NTRK1: variants seen among roughly 807,000 people sequenced by gnomAD.
The protein encoded by NTRK1 is high affinity nerve growth factor receptor.
A neutral mutation model predicts 86.8 loss-of-function variants in NTRK1; 62 were observed. The observed-to-expected ratio is 0.71, with a 90% CI of 0.58 to 0.88. NTRK1 has a LOEUF of 0.88. Ranked by LOEUF, NTRK1 falls within the 40% of genes least tolerant of loss-of-function variation. NTRK1 has a pLI of 0.00. For synonymous variants in NTRK1, 469 were observed against 456.6 expected, an observed-to-expected ratio of 1.03 and a Z score of -0.35; for missense variants, 967 against 1,078.4, an observed-to-expected ratio of 0.90 and a Z score of 1.45.
At chr1:156,845,478 G>A in intron 2 of NTRK1, 1 of 1,513,510 alleles carries the variant, frequency 6.6e-7, no homozygotes, top group South Asian at 1.3e-5. Context: ...TCTGCAGCGC[G>A]TACCGCCTCC....
chr1:156,842,692 T>C (rs140002930), intron 2 of NTRK1, among the ~76,000 whole-genome samples: 68 of 152,312 alleles, frequency 4.5e-4, no homozygotes, highest in African/African-American at 1.6e-3. Flanking sequence ...TCATCATATC[T>C]GATGATCATC....
In NTRK1 at chr1:156,822,971, T is replaced by C. The variant is rs572640560; in HGVS notation, c.-64+7133T>C. Among the ~76,000 whole-genome samples, 230 of 152,348 alleles carry C rather than the reference T, an allele frequency of 1.5e-3. 2 individuals are homozygous for C. Among genetic ancestry groups the C allele is most frequent in the Admixed American group, 5.1e-3 (78 of 15,310 alleles). On this transcript the variant is annotated intron_variant, in intron 1 of 16. Transcript: ENST00000392302. The stretch of plus-strand genomic sequence containing the variant: ...CCATAATTGATGATCCCAGCCAGTA[T>C]AGGAACTTCCTTCCTTTGCCTGTTG...
upstream of NTRK1, chr1:156,858,651 G>C (rs749832322): frequency 6.3e-7 from 1 of 1,591,370 alleles, no homozygotes; most frequent in Non-Finnish European, 8.6e-7. Flanking sequence ...GTCCAGTCCC[G>C]GCTCTCCTCC....
chr1:156,861,999 G>A (rs901841174), intron 1 of NTRK1, among the ~76,000 whole-genome samples: 1 of 152,208 alleles, frequency 6.6e-6, no homozygotes, highest in Non-Finnish European at 1.5e-5. Context: ...ATATGGTGAT[G>A]GCTGGAAAAT....
chr1:156,820,687 C>A (rs1353988447), intron 1 of NTRK1, among the ~76,000 whole-genome samples: 1 of 152,158 alleles, frequency 6.6e-6, no homozygotes, highest in Non-Finnish European at 1.5e-5. Flanking sequence ...ATAACTATAG[C>A]CTTGTAGTTT....
At position 156,843,174 on chromosome 1, in the gene NTRK1, C is replaced by T. The variant is rs774817984; in HGVS notation, c.50+981C>T. On this transcript the variant is annotated intron_variant, in intron 2 of 16. Coordinates refer to the NTRK1 transcript ENST00000392302. Reference sequence around the variant, plus strand: ...TATACCATCCCAAAAGAGCCCTGGCCCAGTTCCCGGATTATCGAGATCTGC... The same window carrying T: ...TATACCATCCCAAAAGAGCCCTGGCTCAGTTCCCGGATTATCGAGATCTGC... The T allele has an allele frequency of 1.2e-5, 19 of 1,613,880 alleles. No homozygotes were observed. Among genetic ancestry groups the T allele is most frequent in the Middle Eastern group, 1.6e-4 (1 of 6,084 alleles).
chr1:156,853,734 T>G (rs1655310670), intron 2 of NTRK1: 1 of 1,584,452 alleles, frequency 6.3e-7, no homozygotes. Flanking sequence ...TACATTCATG[T>G]TCTGTGCCAG....
At chr1:156,848,007 G>A (rs1426415510) in intron 2 of NTRK1, among the ~76,000 whole-genome samples, 1 of 152,280 alleles carries the variant, frequency 6.6e-6, no homozygotes, top group African/African-American at 2.4e-5. Context: ...CATCTCCTAG[G>A]AGCTTATTAG....
chr1:156,826,118 G>A (rs1009463911), intron 1 of NTRK1, among the ~76,000 whole-genome samples: 18 of 152,122 alleles, frequency 1.2e-4, no homozygotes, highest in African/African-American at 4.3e-4. Context: ...ATGAGTTCAT[G>A]TTAAAGACAC....
intron 1 of NTRK1, among the ~76,000 whole-genome samples, chr1:156,820,304 T>C (rs1260504102): frequency 1.3e-5 from 2 of 152,238 alleles, no homozygotes; most frequent in Non-Finnish European, 2.9e-5. Flanking sequence ...TGTAATGCAG[T>C]GGCACGATCT....
At chr1:156,848,983 C>A (rs779890490) in intron 2 of NTRK1, 5 of 1,610,908 alleles carry the variant, frequency 3.1e-6, no homozygotes, top group Non-Finnish European at 3.4e-6. Context: ...CATAGCGCTC[C>A]CAGCGTAGCA....
chr1:156,850,702 G>A (rs1214890819), intron 2 of NTRK1, among the ~76,000 whole-genome samples: 1 of 151,292 alleles, frequency 6.6e-6, no homozygotes, highest in East Asian at 1.9e-4. Context: ...TTAAAGGCAC[G>A]TGCCACCATG....
rs1185123581 is a variant in NTRK1, at chr1:156,879,328, T to G, written c.2012T>G (p.Met671Arg). Residue 671 changes from methionine to arginine, a missense_variant, in exon 15 of 17, where the codon ATG becomes AGG. Physicochemically the swap from Met to Arg is moderately conservative, Grantham distance 91. Around this residue, in one of 2 missense-constraint regions of NTRK1, gnomAD observed 637 missense variants for 776.5 expected, o/e 0.82. Transcript: ENST00000524377. ...GLVVKIGDFG[M>R]SRDIYSTDYY... ...GTGGTCAAGATTGGTGATTTTGGCA[T>G]GAGCAGGGATATCTACAGCACCGAC... is the stretch of plus-strand genomic sequence containing the variant. 1 of 1,610,984 alleles carries G rather than the reference T, an allele frequency of 6.2e-7. No homozygotes were observed. The highest frequency in any genetic ancestry group is 1.3e-5 in the African/African-American group (1 of 75,038).
At chr1:156,849,491 G>A (rs1489562979) in intron 2 of NTRK1, 1 of 1,416,564 alleles carries the variant, frequency 7.1e-7, no homozygotes, top group Non-Finnish European at 9.9e-7. Flanking sequence ...TTGCTCTGCG[G>A]GGAGGTGGGG....
intron 1 of NTRK1, chr1:156,816,685 T>C (rs1259176331): frequency 6.2e-7 from 1 of 1,601,534 alleles, no homozygotes; most frequent in Non-Finnish European, 8.5e-7. Flanking sequence ...CTTGGGGACA[T>C]ATCTGGGCCA....
chr1:156,851,830 GGGCCTCCTCA>G, intron 2 of NTRK1: 1 of 1,587,348 alleles, frequency 6.3e-7, no homozygotes, highest in Non-Finnish European at 8.6e-7. Context: ...GGACCAGTTT[GGGCCTCCTCA>G]GGCCTCCTCA....
chr1:156,843,069 G>C (rs1654859049), intron 2 of NTRK1: 1 of 1,614,092 alleles, frequency 6.2e-7, no homozygotes, highest in Middle Eastern at 1.7e-4. Context: ...CATTCCCGTG[G>C]GCTGGCCAGC....
At chr1:156,833,525 C>T (rs1184583273) in intron 1 of NTRK1, among the ~76,000 whole-genome samples, 1 of 151,544 alleles carries the variant, frequency 6.6e-6, no homozygotes, top group East Asian at 1.9e-4. Context: ...CCACTGCACT[C>T]CAGCCTGGGC....
At chr1:156,876,641 A>T in intron 14 of NTRK1, 69 bp downstream of exon 14, 4 of 1,531,996 alleles carry the variant, frequency 2.6e-6, no homozygotes, top group Non-Finnish European at 3.5e-6. Context: ...TTCCCTATAG[A>T]CATCCCTGCT....
Sources: allele counts gnomAD v4.1 joint callset (sites outside exome capture counted in the v4.1 genomes callset), GRCh38; gene constraint gnomAD v4.1.1; regional missense constraint gnomAD v4.1.1; transcripts MANE v1.5; gene names NCBI Gene and HGNC (gene_info 2026-07-23, HGNC 2026-07-21).